Variants in LGSN observed in about 807,000 individuals in gnomAD.
LGSN encodes the protein lengsin, lens protein with glutamine synthetase domain.
LGSN carries 21 observed loss-of-function variants against 19.5 expected under a neutral mutation model. The ratio of observed to expected loss-of-function variants is 1.07; its 90% CI spans 0.76 to 1.55. The LOEUF (loss-of-function observed/expected upper bound fraction) is 1.55, where lower values mean the gene tolerates loss of function less well. Ranked by LOEUF, LGSN falls within the 40% of genes most tolerant of loss-of-function variation. LGSN has a pLI of 0.00. For missense variants in LGSN, 673 were observed against 608.5 expected (o/e 1.11, Z -1.12); for synonymous variants, 257 against 215.6 (o/e 1.19, Z -1.68).
In LGSN at chr6:63,280,501, C is replaced by A; in HGVS notation, c.1050G>T (p.Lys350Asn). ...TGKKWLAGLL[K>N]HSAALSCLMA... is the part of the protein sequence containing the mutation. ...TCAGGCAGCTGAGCGCAGCAGAGTG[C>A]TTCAAGAGTCCTGCCAACCATTTTT... Residue 350 changes from lysine to asparagine, a missense_variant, in exon 4 of 4, where the codon AAG becomes AAT. Physicochemically the swap from Lys to Asn is moderately conservative, Grantham distance 94. Coordinates refer to ENST00000370657, the MANE Select transcript of LGSN (RefSeq NM_016571.3). The A allele has an allele frequency of 6.2e-7, 1 of 1,614,102 alleles. No individual in the cohort carries two copies. The highest frequency in any genetic ancestry group is 8.5e-7 in the Non-Finnish European group (1 of 1,180,042).
chr6:63,348,499 T>C, the LGSN span, among the ~76,000 whole-genome samples: 1 of 152,172 alleles, frequency 6.6e-6, no homozygotes, highest in Admixed American at 6.5e-5. Context: ...GCATTCACAA[T>C]GCAGGTCTAC....
chr6:63,536,098 G>A, the LGSN span, among the ~76,000 whole-genome samples: 2 of 151,796 alleles, frequency 1.3e-5, no homozygotes, highest in Non-Finnish European at 2.9e-5. Flanking sequence ...TTGGGAGGCC[G>A]AGGCCGGTGC....
intron 1 of LGSN, among the ~76,000 whole-genome samples, chr6:63,306,516 G>A (rs1768393820): frequency 6.6e-6 from 1 of 152,182 alleles, no homozygotes; most frequent in African/African-American, 2.4e-5. Flanking sequence ...GAGTGAAGTT[G>A]TAACCTACTA....
At chr6:63,456,346 A>AATATATATATAT in the LGSN span, among the ~76,000 whole-genome samples, 102 of 100,492 alleles carry the variant, frequency 1.0e-3, 15 homozygotes, top group East Asian at 2.0e-3. Context: ...ACTTGGCAGA[A>AATATATATATAT]ATATACATAT....
At chr6:63,460,100 CTTTTTTTTTTTTTTTTTTT>C in the LGSN span, among the ~76,000 whole-genome samples, 12 of 56,098 alleles carry the variant, frequency 2.1e-4, no homozygotes, top group African/African-American at 3.4e-4. Flanking sequence ...ATTTCATTCC[CTTTTTTTTTTTTTTTTTTT>C]TTTTTTTTTT....
At chr6:63,329,438 T>C in the LGSN span, among the ~76,000 whole-genome samples, 4 of 152,246 alleles carry the variant, frequency 2.6e-5, no homozygotes, top group Non-Finnish European at 5.9e-5. Flanking sequence ...TCTAAGATCT[T>C]GCACTAGTCT....
chr6:63,329,532 A>G, the LGSN span, among the ~76,000 whole-genome samples: 1 of 152,204 alleles, frequency 6.6e-6, no homozygotes, highest in Non-Finnish European at 1.5e-5. Context: ...TGAGCCTTCA[A>G]ATGTTTAACA....
chr6:63,565,179 AT>A, the LGSN span, among the ~76,000 whole-genome samples: 236 of 145,302 alleles, frequency 1.6e-3, 1 homozygote, highest in Admixed American at 2.1e-3. Flanking sequence ...TGCCCAGATA[AT>A]TTTTTTTTTT....
intron 2 of LGSN, 141 bp from the exon 3 acceptor site, chr6:63,285,894 T>TA: frequency 1.5e-6 from 1 of 654,914 alleles, no homozygotes; most frequent in Non-Finnish European, 2.6e-6. Flanking sequence ...GAGTTGGATA[T>TA]CTTACCTTTC....
chr6:63,427,204 C>A, the LGSN span, among the ~76,000 whole-genome samples: 2 of 152,078 alleles, frequency 1.3e-5, no homozygotes, highest in Non-Finnish European at 2.9e-5. Context: ...GCCACCACAC[C>A]TGGCTAATTT....
At chr6:63,341,924 A>G in the LGSN span, among the ~76,000 whole-genome samples, 1 of 152,182 alleles carries the variant, frequency 6.6e-6, no homozygotes, top group African/African-American at 2.4e-5. Flanking sequence ...CCTCTGTTCA[A>G]CCACTTAGAG....
At chr6:63,558,634 C>A in the LGSN span, among the ~76,000 whole-genome samples, 1 of 152,124 alleles carries the variant, frequency 6.6e-6, no homozygotes, top group African/African-American at 2.4e-5. Context: ...ACATCCAGAG[C>A]TCAGAAGAGA....
the LGSN span, among the ~76,000 whole-genome samples, chr6:63,406,906 C>T: frequency 3.9e-5 from 6 of 152,126 alleles, no homozygotes; most frequent in East Asian, 3.8e-4. Flanking sequence ...AACACCTCTA[C>T]GCAAATAAAC....
At chr6:63,506,253 GTGTTGTTGTTGT>G in the LGSN span, among the ~76,000 whole-genome samples, 3 of 44,426 alleles carry the variant, frequency 6.8e-5, no homozygotes, top group African/African-American at 3.5e-4. Context: ...GGTGGTGGTG[GTGTTGTTGTTGT>G]TGTTGTTGTT....
the LGSN span, among the ~76,000 whole-genome samples, chr6:63,362,380 C>T: frequency 0.023 from 3,342 of 147,460 alleles, 56 homozygotes; most frequent in South Asian, 0.041. Context: ...GGGTGCAGCC[C>T]ACAGAGCAGG....
At chr6:63,339,508 T>C in the LGSN span, among the ~76,000 whole-genome samples, 14 of 152,182 alleles carry the variant, frequency 9.2e-5, no homozygotes, top group Non-Finnish European at 2.1e-4. Flanking sequence ...GCATGCTTTG[T>C]CTTCCATTTG....
chr6:63,512,172 T>C, the LGSN span, among the ~76,000 whole-genome samples: 1 of 150,344 alleles, frequency 6.7e-6, no homozygotes, highest in African/African-American at 2.5e-5. Flanking sequence ...AACCTCTGCC[T>C]CCTGGGTTCA....
the LGSN span, among the ~76,000 whole-genome samples, chr6:63,409,799 G>C: frequency 6.6e-6 from 1 of 152,168 alleles, no homozygotes; most frequent in Admixed American, 6.5e-5. Context: ...ACTTTGGAAG[G>C]CCGAGATGGG....
At chr6:63,393,130 A>T in the LGSN span, among the ~76,000 whole-genome samples, 1 of 149,590 alleles carries the variant, frequency 6.7e-6, no homozygotes. Context: ...CTCGTGATAC[A>T]CCCACCTCGG....
Sources: gnomAD v4.1 joint callset for allele counts (sites outside exome capture counted in the v4.1 genomes callset) on GRCh38, gnomAD v4.1.1 for gene constraint, MANE v1.5 for transcripts, NCBI Gene and HGNC (gene_info 2026-07-23, HGNC 2026-07-21) for gene names.